The following DNAH6 variants were observed in gnomAD, a reference collection of about 807,000 sequenced individuals.
DNAH6 encodes the protein dynein axonemal heavy chain 6, also known as axonemal beta dynein heavy chain 6.
Under a neutral mutation model 491.4 loss-of-function variants are expected in DNAH6, and 340 were observed. The ratio of observed to expected loss-of-function variants is 0.69; its 90% confidence interval spans 0.63 to 0.76. The LOEUF (loss-of-function observed/expected upper bound fraction) is 0.76, where lower values mean the gene tolerates loss of function less well. Among genes scored for constraint, DNAH6 ranks in the 30% least tolerant of loss-of-function variants. The pLI, the probability that DNAH6 is intolerant of heterozygous loss-of-function variation, is 0.00. For synonymous variants in DNAH6, 1,603 were observed against 1,686.1 expected, an observed-to-expected ratio of 0.95 and a Z score of 1.21; for missense variants, 4,443 against 4,972.2, an observed-to-expected ratio of 0.89 and a Z score of 3.20.
At chr2:84,609,964 C>A (rs889046526) in intron 21 of DNAH6, among the ~76,000 whole-genome samples, 3 of 152,118 alleles carry the variant, frequency 2.0e-5, no homozygotes, top group African/African-American at 7.2e-5. Flanking sequence ...TATTATCTCA[C>A]AGTTTCTGTG....
At chr2:84,719,648 C>T (rs1331114710) in intron 59 of DNAH6, among the ~76,000 whole-genome samples, 1 of 151,976 alleles carries the variant, frequency 6.6e-6, no homozygotes, top group Non-Finnish European at 1.5e-5. Context: ...ATATCTGGGA[C>T]TACAAATGCA....
intron 13 of DNAH6, among the ~76,000 whole-genome samples, chr2:84,578,341 AGCTACTGTAT>A: frequency 6.6e-6 from 1 of 152,318 alleles, no homozygotes; most frequent in South Asian, 2.1e-4. Flanking sequence ...AGCACTTTTT[AGCTACTGTAT>A]GCTCAAGAAA....
At chr2:84,578,286 T>C (rs1682670560) in intron 13 of DNAH6, among the ~76,000 whole-genome samples, 2 of 152,070 alleles carry the variant, frequency 1.3e-5, no homozygotes, top group Admixed American at 6.6e-5. Flanking sequence ...GAAATATATA[T>C]ATAATTATGT....
At chr2:84,613,140 A>AGT (rs745776121) in intron 22 of DNAH6, among the ~76,000 whole-genome samples, 40 of 150,928 alleles carry the variant, frequency 2.7e-4, no homozygotes, top group Non-Finnish European at 4.9e-4. Flanking sequence ...TGAGAGAGAG[A>AGT]GAGAGTGTGT....
chr2:84,798,680 C>T (rs939187698), intron 70 of DNAH6, among the ~76,000 whole-genome samples: 1 of 152,202 alleles, frequency 6.6e-6, no homozygotes, highest in African/African-American at 2.4e-5. Flanking sequence ...CCTGCTGGCC[C>T]CTCCCAAGAC....
intron 60 of DNAH6, among the ~76,000 whole-genome samples, chr2:84,724,302 G>A (rs1698427959): frequency 6.6e-6 from 1 of 152,184 alleles, no homozygotes; most frequent in African/African-American, 2.4e-5. Flanking sequence ...ACACCTGGAA[G>A]CCAGGCCAGC....
In DNAH6 at chr2:84,694,350, GT is replaced by G; in HGVS notation, c.7396del (p.Tyr2466ThrfsTer21). 2 of 1,552,400 alleles carry G rather than the reference GT, an allele frequency of 1.3e-6. No individual in the cohort carries two copies. Among genetic ancestry groups the G allele is most frequent in the Non-Finnish European group, 1.7e-6 (2 of 1,147,138 alleles). On this transcript the variant is annotated frameshift_variant, in exon 46 of 77. Coordinates refer to ENST00000389394, the MANE Select transcript of DNAH6 (RefSeq NM_001370.2). LOFTEE classifies it high-confidence loss of function. The part of the protein sequence containing the change: ...SLTRLAAHIC[G>X]YKCLQIELSR... ...ACGAGACTTGCAGCTCATATATGCG[GT>G]TACAAATGTTTGCAGATTGAACTCA...
intron 37 of DNAH6, among the ~76,000 whole-genome samples, chr2:84,667,313 C>G (rs1036965510): frequency 6.6e-6 from 1 of 152,066 alleles, no homozygotes; most frequent in African/African-American, 2.4e-5. Context: ...GAACAGGCAA[C>G]CTACAGAATG....
chr2:84,749,004 T>TA (rs1158178670), intron 63 of DNAH6, among the ~76,000 whole-genome samples: 1 of 152,146 alleles, frequency 6.6e-6, no homozygotes, highest in Non-Finnish European at 1.5e-5. Context: ...CAGACTCTTT[T>TA]AAACAACTAG....
At chr2:84,581,614 G>A (rs1376324922) in intron 14 of DNAH6, among the ~76,000 whole-genome samples, 1 of 152,176 alleles carries the variant, frequency 6.6e-6, no homozygotes, top group Non-Finnish European at 1.5e-5. Context: ...GGGCATTCCA[G>A]GGAGAGGGAA....
chr2:84,704,641 C>G (rs1696257433), intron 51 of DNAH6, among the ~76,000 whole-genome samples: 1 of 152,184 alleles, frequency 6.6e-6, no homozygotes, highest in Admixed American at 6.5e-5. Flanking sequence ...TTGGAAAACA[C>G]TGCTCAGTTG....
At position 84,660,992 on chromosome 2, in the gene DNAH6, G is replaced by A. The variant is rs542743843; in HGVS notation, c.6084+1823G>A. Among the ~76,000 whole-genome samples, 13 of 152,038 alleles carry A rather than the reference G, an allele frequency of 8.6e-5. No individual in the cohort carries two copies. In the South Asian group the frequency reaches 1.9e-3, roughly 22 times the overall value. ...ATAAATTATATTATTGGAAAAAATG[G>A]CAATATTTGAATATAGAATGTAAAT... On this transcript the variant is annotated intron_variant, in intron 37 of 76. Coordinates refer to ENST00000389394, the MANE Select transcript of DNAH6 (RefSeq NM_001370.2).
chr2:84,646,372 G>A (rs543083126), intron 33 of DNAH6, among the ~76,000 whole-genome samples: 14 of 152,124 alleles, frequency 9.2e-5, no homozygotes, highest in Non-Finnish European at 1.5e-4. Flanking sequence ...ACCCTACAGT[G>A]GTCTCTAGTG....
chr2:84,781,537 A>G lies in DNAH6; in HGVS notation c.10748A>G (p.Glu3583Gly), dbSNP rs1676701598. Reference sequence around the variant, plus strand: ...GGGCAAGGACAAGGACCTATTGCTGAAAAAATGGTCAAGGATGCAATGAAA... The same window carrying G: ...GGGCAAGGACAAGGACCTATTGCTGGAAAAATGGTCAAGGATGCAATGAAA... Reference protein sequence around the residue: ...SLGQGQGPIAEKMVKDAMKSG... With the variant: ...SLGQGQGPIAGKMVKDAMKSG... The change falls in exon 65 of 77, where the codon GAA (glutamate) becomes GGA (glycine). Residue 3583 changes from glutamate (E) to glycine (G), a missense_variant. Glu to Gly is a moderately conservative substitution (Grantham distance 98). This residue lies in a region of DNAH6 where 1,463 missense variants were observed against 1,656.6 expected (regional missense o/e 0.88). Coordinates refer to ENST00000389394, the MANE Select transcript of DNAH6 (RefSeq NM_001370.2). 1.3e-6 allele frequency: 2 copies of G among 1,551,296 alleles called. No individual in the cohort carries two copies. The highest frequency in any genetic ancestry group is 1.7e-6 in the Non-Finnish European group (2 of 1,146,666).
chr2:84,524,745 T>A (rs1676458769), intron 2 of DNAH6, among the ~76,000 whole-genome samples: 1 of 152,120 alleles, frequency 6.6e-6, no homozygotes, highest in South Asian at 2.1e-4. Context: ...TATAGATCAT[T>A]GTTTGGTCTC....
intron 64 of DNAH6, chr2:84,778,175 C>T (rs1206269749): frequency 2.6e-5 from 19 of 724,086 alleles, no homozygotes; most frequent in Non-Finnish European, 4.6e-5. Flanking sequence ...GGGGAGGTCT[C>T]TTCTTCCTGT....
At chr2:84,511,691 G>C (rs1399050662), upstream of DNAH6, among the ~76,000 whole-genome samples, 2 of 152,154 alleles carry the variant, frequency 1.3e-5, no homozygotes, top group African/African-American at 2.4e-5. Flanking sequence ...GACTGGAGCT[G>C]TTCCTATTCC....
At chr2:84,784,636 C>T (rs1010486016) in intron 65 of DNAH6, 86 bp from the exon 66 acceptor site, 6 of 807,560 alleles carry the variant, frequency 7.4e-6, no homozygotes, top group Admixed American at 7.4e-5. Flanking sequence ...TTTTTTCCTT[C>T]TCTAGAAATA....
intron 29 of DNAH6, among the ~76,000 whole-genome samples, chr2:84,630,453 G>C (rs1014572480): frequency 2.0e-5 from 3 of 152,064 alleles, no homozygotes; most frequent in Non-Finnish European, 4.4e-5. Flanking sequence ...CAGTTTTCAA[G>C]AAGTACAGGT....
Sources: allele counts gnomAD v4.1 joint callset (sites outside exome capture counted in the v4.1 genomes callset), GRCh38; gene constraint gnomAD v4.1.1; regional missense constraint gnomAD v4.1.1; transcripts MANE v1.5; gene names NCBI Gene and HGNC (gene_info 2026-07-23, HGNC 2026-07-21).